Variants in PCDHGA11 observed in about 807,000 individuals in gnomAD.
PCDHGA11 encodes the protein protocadherin gamma subfamily A, 11, also known as protocadherin gamma-A11.
PCDHGA11 carries 39 observed loss-of-function variants against 60.4 expected under a neutral mutation model. That is an observed-to-expected ratio of 0.65 (90% CI 0.50 to 0.84). The LOEUF is 0.84. Ranked by LOEUF, PCDHGA11 falls within the 40% of genes least tolerant of loss-of-function variation. The probability of loss-of-function intolerance (pLI) is 0.00; values close to 1 mark genes in which losing one functional copy is unlikely to be tolerated. For synonymous variants in PCDHGA11, 533 were observed against 510.3 expected (o/e 1.04, Z -0.60); for missense variants, 1,165 against 1,197.7 (o/e 0.97, Z 0.40).
At chr5:141,482,719 G>C (rs1221351410) in intron 1 of PCDHGA11, among the ~76,000 whole-genome samples, 1 of 129,252 alleles carries the variant, frequency 7.7e-6, no homozygotes, top group African/African-American at 3.5e-5. Flanking sequence ...GGCAGGGAGG[G>C]GCCATTGCAA....
chr5:141,474,369 G>C (rs1424130168), intron 1 of PCDHGA11, among the ~76,000 whole-genome samples: 1 of 152,184 alleles, frequency 6.6e-6, no homozygotes, highest in Non-Finnish European at 1.5e-5. Flanking sequence ...AGTAGGTCTA[G>C]AGGAGGGCAT....
At chr5:141,478,118 G>C in intron 1 of PCDHGA11, 2 of 1,614,048 alleles carry the variant, frequency 1.2e-6, no homozygotes, top group African/African-American at 1.3e-5. Context: ...GTCAGTAACC[G>C]AGGACTCTCC....
Position 141,423,010 on chromosome 5 carries a change from G to C in PCDHGA11, c.1783G>C (p.Val595Leu). ...CTACCTGGTGACCAAGGTGGTTGCGGTGGACAAAGATTCAGGCCAGAACGC... is the reference window on the plus strand; with the variant it reads ...CTACCTGGTGACCAAGGTGGTTGCGCTGGACAAAGATTCAGGCCAGAACGC... ...PGYLVTKVVA[V>L]DKDSGQNAWL... The change falls in exon 1 of 4, where the codon GTG becomes CTG. Residue 595 changes from valine to leucine, a missense_variant. Coordinates refer to ENST00000398587, the MANE Select transcript of PCDHGA11 (RefSeq NM_018914.3). 6.2e-7 allele frequency: 1 copy of C among 1,614,226 alleles called. No homozygotes were observed. Among genetic ancestry groups the C allele is most frequent in the South Asian group, 1.1e-5 (1 of 91,090 alleles).
intron 1 of PCDHGA11, among the ~76,000 whole-genome samples, chr5:141,480,339 T>A (rs764049837): frequency 1.3e-4 from 20 of 152,010 alleles, no homozygotes; most frequent in Non-Finnish European, 2.4e-4. Context: ...TGCTTGAGCC[T>A]GGGAGGTTGA....
chr5:141,469,747 C>T (rs1392088794), intron 1 of PCDHGA11, among the ~76,000 whole-genome samples: 1 of 152,134 alleles, frequency 6.6e-6, no homozygotes, highest in Non-Finnish European at 1.5e-5. Context: ...TCAAAAATTA[C>T]AAAAATACAT....
intron 1 of PCDHGA11, among the ~76,000 whole-genome samples, chr5:141,492,170 C>A (rs1383768075): frequency 6.6e-6 from 1 of 152,226 alleles, no homozygotes; most frequent in Non-Finnish European, 1.5e-5. Context: ...ATCCCCGCAT[C>A]ACCCAACCGC....
chr5:141,508,904 T>C (rs1421450229), intron 3 of PCDHGA11, among the ~76,000 whole-genome samples: 2 of 151,336 alleles, frequency 1.3e-5, no homozygotes, highest in African/African-American at 4.9e-5. Context: ...GGCGGGGCGG[T>C]GGCGGATCTG....
Position 141,489,515 on chromosome 5 carries a change from G to C in PCDHGA11, c.2434-5292G>C, listed in dbSNP as rs983415025. On this transcript the variant is annotated intron_variant, in intron 1 of 3. Coordinates refer to ENST00000398587, the MANE Select transcript of PCDHGA11 (RefSeq NM_018914.3). The surrounding 1 kb of genome is among the most constrained non-coding windows in gnomAD (Gnocchi z 4.5). ...CTGGCAGTGAATCAAAAGATTGACC[G>C]AGAAAGCCTATGTGGAGCCAGCACC... 1 of 1,614,104 alleles carries C rather than the reference G, an allele frequency of 6.2e-7. No individual in the cohort carries two copies. The highest frequency in any genetic ancestry group is 8.5e-7 in the Non-Finnish European group (1 of 1,180,034).
In PCDHGA11 at chr5:141,489,483, T is replaced by C. The variant is rs2099687756; in HGVS notation, c.2434-5324T>C. ...GCTATTTTTCCCTGAGCTTGATGAGTGGTGCCCTGGCAGTGAATCAAAAGA... is the reference window on the plus strand; with the variant it reads ...GCTATTTTTCCCTGAGCTTGATGAGCGGTGCCCTGGCAGTGAATCAAAAGA... On this transcript the variant is annotated intron_variant, in intron 1 of 3. Coordinates refer to ENST00000398587, the MANE Select transcript of PCDHGA11 (RefSeq NM_018914.3). This position sits in a 1 kb window ranked among gnomAD's most constrained non-coding sequence, Gnocchi z 4.5. 1 of 1,613,862 alleles carries C rather than the reference T, an allele frequency of 6.2e-7. No individual in the cohort carries two copies. The highest frequency in any genetic ancestry group is 1.1e-5 in the South Asian group (1 of 91,078).
intron 2 of PCDHGA11, among the ~76,000 whole-genome samples, chr5:141,501,279 A>T (rs1180397181): frequency 3.0e-5 from 4 of 135,444 alleles, no homozygotes. Context: ...AGTCTATGGG[A>T]TATTCCCTTA....
intron 1 of PCDHGA11, chr5:141,478,773 T>C (rs975950601): frequency 1.3e-6 from 2 of 1,496,766 alleles, no homozygotes; most frequent in African/African-American, 2.8e-5. Context: ...GACTCATCTG[T>C]GGACCTAATT....
rs200601557 is a variant in PCDHGA11, at chr5:141,432,538, G to A, written c.2433+8878G>A. 5.0e-6 allele frequency: 8 copies of A among 1,613,908 alleles called. No homozygotes were observed. The highest frequency in any genetic ancestry group is 1.7e-5 in the Admixed American group (1 of 60,012). On this transcript the variant is annotated intron_variant, in intron 1 of 3. Coordinates refer to ENST00000398587, the MANE Select transcript of PCDHGA11 (RefSeq NM_018914.3). The surrounding 1 kb of genome is among the most constrained non-coding windows in gnomAD (Gnocchi z 6.0). ...GCTACCTGGTGACCAAGGTGGTGGCGGTGGACAGAGACTCCGGCCAGAACG... is the reference window on the plus strand; with the variant it reads ...GCTACCTGGTGACCAAGGTGGTGGCAGTGGACAGAGACTCCGGCCAGAACG...
chr5:141,481,445 T>C (rs760413279), intron 1 of PCDHGA11, among the ~76,000 whole-genome samples: 2 of 152,260 alleles, frequency 1.3e-5, no homozygotes, highest in Non-Finnish European at 2.9e-5. Context: ...GTTTAGTACA[T>C]GTAAATACAC....
At chr5:141,500,227 G>T (rs959087347) in intron 2 of PCDHGA11, among the ~76,000 whole-genome samples, 15 of 116,224 alleles carry the variant, frequency 1.3e-4, no homozygotes, top group African/African-American at 2.9e-4. Context: ...TTTATTTATT[G>T]ATACGTAGCC....
In PCDHGA11 at chr5:141,486,936, A is replaced by G; in HGVS notation, c.2434-7871A>G. 2 of 1,614,184 alleles carry G rather than the reference A, an allele frequency of 1.2e-6. No individual in the cohort carries two copies. Among genetic ancestry groups the G allele is most frequent in the Non-Finnish European group, 1.7e-6 (2 of 1,180,030 alleles). On this transcript the variant is annotated intron_variant, in intron 1 of 3. Transcript: ENST00000398587. This position sits in a 1 kb window ranked among gnomAD's most constrained non-coding sequence, Gnocchi z 5.0. ...CTGCCTCCATCAGTTGGTGCTGGCC[A>G]CCTAATCACAAAGGTGACTGCTGTG...
rs2099391747 is a variant in PCDHGA11 at position 141,476,440 on chromosome 5, G to A, written c.2434-18367G>A. Reference sequence around the variant, plus strand: ...CACTGCCCTCTTGCACTGTAACTCTGGAGTTGGTAGTGGAGAACCCGCTGG... The same window carrying A: ...CACTGCCCTCTTGCACTGTAACTCTAGAGTTGGTAGTGGAGAACCCGCTGG... On this transcript the variant is annotated intron_variant, in intron 1 of 3. Transcript: ENST00000398587. The surrounding 1 kb of genome is among the most constrained non-coding windows in gnomAD (Gnocchi z 7.6). 1.2e-6 allele frequency: 2 copies of A among 1,613,998 alleles called. No individual in the cohort carries two copies. Among genetic ancestry groups the A allele is most frequent in the African/African-American group, 2.7e-5 (2 of 74,902 alleles).
At chr5:141,483,737 G>A (rs1052778197) in intron 1 of PCDHGA11, among the ~76,000 whole-genome samples, 4 of 152,102 alleles carry the variant, frequency 2.6e-5, no homozygotes, top group South Asian at 2.1e-4. Context: ...TAGTCAAAAG[G>A]ATATTCCTGA....
chr5:141,461,667 G>C (rs1337688159), intron 1 of PCDHGA11, among the ~76,000 whole-genome samples: 4 of 151,994 alleles, frequency 2.6e-5, no homozygotes, highest in African/African-American at 9.7e-5. Context: ...TTTAAAGTTT[G>C]TTATTTTGTT....
Position 141,427,654 on chromosome 5 carries a change from TCCACGTGGC to T in PCDHGA11, c.2433+3996_2433+4004del, listed in dbSNP as rs562748605. On this transcript the variant is annotated intron_variant, in intron 1 of 3. Coordinates refer to ENST00000398587, the MANE Select transcript of PCDHGA11 (RefSeq NM_018914.3). ...GTTTTCCACCAAGTCTCCTACGTGG[TCCACGTGGC>T]CGAAAACAACCTTCCCGGAGCCTCC... 2.0e-4 allele frequency: 148 copies of T among 727,622 alleles called. No individual in the cohort carries two copies. The African/African-American group carries it at 2.4e-3, about 12-fold the overall frequency. The allele number at this position is 727,622 out of a possible 1,614,324, so 45.1% of individuals were successfully genotyped here.
Sources: gnomAD v4.1 joint callset for allele counts (sites outside exome capture counted in the v4.1 genomes callset) on GRCh38, gnomAD v4.1.1 for gene constraint, Gnocchi (gnomAD v3.1) non-coding constraint, MANE v1.5 for transcripts, NCBI Gene and HGNC (gene_info 2026-07-23, HGNC 2026-07-21) for gene names.